The following CD177 variants were observed in gnomAD, a reference collection of about 807,000 sequenced individuals.
CD177 encodes the protein CD177 molecule.
CD177 carries 41 observed loss-of-function variants against 38.1 expected under a neutral mutation model. The observed-to-expected ratio is 1.07, with a 90% confidence interval of 0.84 to 1.39. The LOEUF (loss-of-function observed/expected upper bound fraction) is 1.39. CD177 is among the 40% of genes most tolerant of loss of function. CD177 has a pLI of 0.00. For missense variants in CD177, 619 were observed against 523.8 expected (o/e 1.18, Z -1.77); for synonymous variants, 236 against 216.7 (o/e 1.09, Z -0.78).
In CD177 at chr19:43,362,191, G is replaced by C. The variant is rs1969980431; in HGVS notation, c.1185G>C (p.Lys395Asn). ...TCGGGATCTTCTCTGCGCGTGAGAA[G>C]CGTGATGTGCAGCCTCCTGCCTCTC... ...RQIGIFSAREKRDVQPPASQH... is the reference protein window; with the variant it reads ...RQIGIFSARENRDVQPPASQH... Residue 395 changes from lysine (K) to asparagine (N), a missense_variant, in exon 9 of 9, where the codon AAG becomes AAC. Physicochemically the swap from Lys to Asn is moderately conservative, Grantham distance 94 (BLOSUM62 0). Transcript: ENST00000618265. 1.2e-6 allele frequency: 2 copies of C among 1,613,708 alleles called. No individual in the cohort carries two copies. Among genetic ancestry groups the C allele is most frequent in the Middle Eastern group, 1.7e-4 (1 of 6,060 alleles).
chr19:43,365,700 A>T (rs1199776614), downstream of CD177, among the ~76,000 whole-genome samples: 1 of 147,626 alleles, frequency 6.8e-6, no homozygotes, highest in African/African-American at 2.5e-5. Flanking sequence ...GCCGCCGTCC[A>T]CTTCTGCTGG....
At chr19:43,355,161 T>C (rs1048999910) in intron 3 of CD177, among the ~76,000 whole-genome samples, 1 of 138,080 alleles carries the variant, frequency 7.2e-6, no homozygotes, top group African/African-American at 2.7e-5. Flanking sequence ...TCGACCAGGC[T>C]GGAGTGCAGT....
In CD177 at chr19:43,362,543, T is replaced by A. The variant is rs752256766; in HGVS notation, c.*223T>A. The A allele has an allele frequency of 1.1e-4, 51 of 454,516 alleles. 1 individual carries two copies. Among genetic ancestry groups the A allele is most frequent in the Non-Finnish European group, 2.7e-5 (7 of 256,152 alleles). The allele number at this position is 454,516 out of a possible 1,614,324, so 28.2% of individuals were successfully genotyped here. ...GGAGAGGGGACGCTGGAGGAGTGGC[T>A]GCATGTATCTGATAATACAGACCCT... On this transcript the variant is annotated 3_prime_UTR_variant, in exon 9 of 9. Coordinates refer to ENST00000618265, the MANE Select transcript of CD177 (RefSeq NM_020406.4).
At chr19:43,354,799 G>T (rs945127607) in intron 3 of CD177, among the ~76,000 whole-genome samples, 11 of 152,120 alleles carry the variant, frequency 7.2e-5, no homozygotes, top group African/African-American at 2.2e-4. Flanking sequence ...TCCTTGTCTG[G>T]TGTTATAAAG....
At position 43,354,237 on chromosome 19, in the gene CD177, G is replaced by T. The variant is rs758985183; in HGVS notation, c.224G>T (p.Gly75Val). The change falls in exon 3 of 9, where the codon GGC becomes GTC. Residue 75 changes from glycine (G) to valine (V), a missense_variant. Gly to Val is a moderately radical substitution (Grantham distance 109). Transcript: ENST00000618265. ...CAAGTGAGCCTGGTGCTCTCCAAGG[G>T]CTGCACGGAGGCCAAGGACCAGGAG... ...GPQVSLVLSK[G>V]CTEAKDQEPR... 6 of 1,613,610 alleles carry T rather than the reference G, an allele frequency of 3.7e-6. No individual in the cohort carries two copies. The highest frequency in any genetic ancestry group is 5.1e-6 in the Non-Finnish European group (6 of 1,179,774).
At position 43,353,903 on chromosome 19, in the gene CD177, G is replaced by T. The variant is rs372638050; in HGVS notation, c.103G>T (p.Val35Leu). The T allele has an allele frequency of 6.2e-7, 1 of 1,613,910 alleles. No homozygotes were observed. Among genetic ancestry groups the T allele is most frequent in the Middle Eastern group, 1.6e-4 (1 of 6,062 alleles). ...TGGGACAGTTCAGCATGTGTGGAAG[G>T]TGTCCGACCTGCCCCGGCAATGGAC... is the stretch of plus-strand genomic sequence containing the variant. ...QFGTVQHVWK[V>L]SDLPRQWTPK... is the part of the protein sequence containing the mutation. Residue 35 changes from valine to leucine, a missense_variant, in exon 2 of 9, where the codon GTG (valine) becomes TTG (leucine). Val to Leu is a conservative substitution (Grantham distance 32). Coordinates refer to ENST00000618265, the MANE Select transcript of CD177 (RefSeq NM_020406.4).
At chr19:43,361,883 G>A (rs11671567) in intron 8 of CD177, among the ~76,000 whole-genome samples, 29,297 of 143,122 alleles carry the variant, frequency 0.2, 3,073 homozygotes, top group Middle Eastern at 0.28. Context: ...GGACTCCTGG[G>A]TCTGAGGTAG....
intron 3 of CD177, among the ~76,000 whole-genome samples, chr19:43,355,042 C>T (rs8099890): frequency 0.31 from 41,223 of 132,620 alleles, 7,573 homozygotes; most frequent in African/African-American, 0.44. Flanking sequence ...CAGCAGGCCC[C>T]TCCTCCACCC....
chr19:43,366,010 C>G (rs991828755), downstream of CD177, among the ~76,000 whole-genome samples: 12 of 152,124 alleles, frequency 7.9e-5, no homozygotes, highest in African/African-American at 2.9e-4. Flanking sequence ...GAGCTGCTTT[C>G]CGAATGGTCA....
At chr19:43,354,172 C>T (rs1969884998) in intron 2 of CD177, 35 bp from the exon 3 acceptor site, 2 of 1,596,890 alleles carry the variant, frequency 1.3e-6, no homozygotes, top group Non-Finnish European at 1.7e-6. Context: ...GGAGGCCTGA[C>T]CTCCATCCTC....
chr19:43,354,448 A>G, intron 3 of CD177, 56 bp downstream of exon 3: 1 of 1,577,952 alleles, frequency 6.3e-7, no homozygotes, highest in Admixed American at 1.7e-5. Context: ...GGATCCGCTG[A>G]GCACAGAGGG....
In CD177 at chr19:43,362,368, A is replaced by C; in HGVS notation, c.*48A>C. The C allele has an allele frequency of 1.2e-6, 1 of 828,126 alleles. No homozygotes were observed. 51.3% of individuals were successfully genotyped at this position (828,126 alleles called of 1,614,324 possible). A position where few individuals can be genotyped will look rare whatever the true frequency, so the allele number is the denominator to read the frequency against. ...CACCGCTGCTGACCACCCACACTCA[A>C]CCTCCCTCTGACCTCATAACCTAAT... On this transcript the variant is annotated 3_prime_UTR_variant, in exon 9 of 9. Transcript: ENST00000618265.
chr19:43,362,779 G>A lies in CD177; in HGVS notation c.*459G>A, dbSNP rs1047165418. ...GTATTTGGGCATCACCATGACCTGG[G>A]AGGGGAAGATGCACTGAGACGTATG... On this transcript the variant is annotated 3_prime_UTR_variant, in exon 9 of 9. Transcript: ENST00000618265. 6.5e-6 allele frequency: 1 copy of A among 153,268 alleles called. No homozygotes were observed. Among genetic ancestry groups the A allele is most frequent in the African/African-American group, 2.4e-5 (1 of 41,476 alleles). 9.5% of individuals were successfully genotyped at this position (153,268 alleles called of 1,614,324 possible). A position where few individuals can be genotyped will look rare whatever the true frequency, so the allele number is the denominator to read the frequency against.
In CD177 at chr19:43,355,752, C is replaced by G; in HGVS notation, c.471C>G (p.His157Gln). The change falls in exon 4 of 9, where the codon CAC becomes CAG. Residue 157 changes from histidine (H) to glutamine (Q), a missense_variant. Transcript: ENST00000618265. ...TEEICPKGTT[H>Q]CYDGLLRLRG... is the part of the protein sequence containing the mutation. ...AGATCTGCCCCAAGGGGACCACACA[C>G]TGTTATGATGGCCTCCTCAGGCTCA... 5 of 1,613,180 alleles carry G rather than the reference C, an allele frequency of 3.1e-6. No individual in the cohort carries two copies. Among genetic ancestry groups the G allele is most frequent in the South Asian group, 1.1e-5 (1 of 91,038 alleles).
chr19:43,360,392 G>A lies in CD177; in HGVS notation c.747G>A (p.Leu249=), dbSNP rs747359031. ...GGCAGGTGTGTCAGGAGACGCTGCT[G>A]CTCCTAGATGTAGGTACGTGGACTG... ...EVGQVCQETL[L]LLDVGLTSTL... is the part of the protein sequence containing the mutation. The change falls in exon 6 of 9, where the codon CTG becomes CTA. Residue 249 remains leucine, a synonymous_variant. Coordinates refer to ENST00000618265, the MANE Select transcript of CD177 (RefSeq NM_020406.4). The A allele has an allele frequency of 5.0e-6, 8 of 1,602,244 alleles. No individual in the cohort carries two copies. Among genetic ancestry groups the A allele is most frequent in the Admixed American group, 3.4e-5 (2 of 58,112 alleles).
At chr19:43,360,185 C>T in intron 5 of CD177, 80 bp from the exon 6 acceptor site, 1 of 1,513,098 alleles carries the variant, frequency 6.6e-7, no homozygotes, top group East Asian at 2.4e-5. Flanking sequence ...AGAGTGTGAT[C>T]ACCTTCCCTA....
chr19:43,365,928 C>T (rs564192218), downstream of CD177, among the ~76,000 whole-genome samples: 190 of 152,262 alleles, frequency 1.2e-3, 2 homozygotes, highest in Middle Eastern at 6.8e-3. Context: ...GTGCATGCCC[C>T]AGGTTATGGT....
intron 3 of CD177, 65 bp downstream of exon 3, chr19:43,354,457 G>A (rs1387471327): frequency 6.5e-7 from 1 of 1,548,882 alleles, no homozygotes; most frequent in South Asian, 1.1e-5. Flanking sequence ...GAGCACAGAG[G>A]GGCTGTTACG....
At position 43,362,530 on chromosome 19, in the gene CD177, C is replaced by A; in HGVS notation, c.*210C>A. 1 of 465,364 alleles carries A rather than the reference C, an allele frequency of 2.1e-6. No individual in the cohort carries two copies. Among genetic ancestry groups the A allele is most frequent in the Non-Finnish European group, 3.8e-6 (1 of 262,860 alleles). 28.8% of individuals were successfully genotyped at this position (465,364 alleles called of 1,614,324 possible). On this transcript the variant is annotated 3_prime_UTR_variant, in exon 9 of 9. Transcript: ENST00000618265. ...GACTTGCCCTATGGGAGAGGGGACG[C>A]TGGAGGAGTGGCTGCATGTATCTGA...
Sources: gnomAD v4.1 joint callset for allele counts (sites outside exome capture counted in the v4.1 genomes callset) on GRCh38, gnomAD v4.1.1 for gene constraint, MANE v1.5 for transcripts, NCBI Gene and HGNC (gene_info 2026-07-23, HGNC 2026-07-21) for gene names.